The following PHACTR3 variants were observed in gnomAD, a reference collection of about 807,000 sequenced individuals.
The protein encoded by PHACTR3 is phosphatase and actin regulator 3.
Under a neutral mutation model 66.8 loss-of-function variants are expected in PHACTR3, and 16 were observed. The observed-to-expected ratio is 0.24, with a 90% CI of 0.16 to 0.36. The LOEUF is 0.36. PHACTR3 is among the 10% of genes least tolerant of loss of function. The pLI is 1.00. For missense variants in PHACTR3, 647 were observed against 719.9 expected, an observed-to-expected ratio of 0.90 and a Z score of 1.16; for synonymous variants, 323 against 292.1, an observed-to-expected ratio of 1.11 and a Z score of -1.08.
chr20:59,611,934 C>T (rs1358013711), intron 1 of PHACTR3, among the ~76,000 whole-genome samples: 1 of 152,120 alleles, frequency 6.6e-6, no homozygotes, highest in African/African-American at 2.4e-5. Flanking sequence ...AGTATATCTT[C>T]AGGGAAGGTG....
At chr20:59,702,629 GACC>G (rs1232606844) in intron 1 of PHACTR3, among the ~76,000 whole-genome samples, 1 of 152,206 alleles carries the variant, frequency 6.6e-6, no homozygotes, top group Non-Finnish European at 1.5e-5. Flanking sequence ...CAGAGGGAGG[GACC>G]ACATCTGGCT....
intron 1 of PHACTR3, among the ~76,000 whole-genome samples, chr20:59,686,063 C>A (rs1009667492): frequency 6.6e-6 from 1 of 152,212 alleles, no homozygotes; most frequent in African/African-American, 2.4e-5. Context: ...CCCCCCCATA[C>A]CTAACTTTTC....
intron 1 of PHACTR3, among the ~76,000 whole-genome samples, chr20:59,665,346 T>C (rs562666856): frequency 1.3e-5 from 2 of 152,254 alleles, no homozygotes; most frequent in African/African-American, 4.8e-5. Context: ...TTTGGAAGGG[T>C]CGTGCTGACT....
intron 1 of PHACTR3, among the ~76,000 whole-genome samples, chr20:59,666,887 A>G (rs551269925): frequency 6.6e-6 from 1 of 152,230 alleles, no homozygotes; most frequent in African/African-American, 2.4e-5. Flanking sequence ...TGGTCCTTAC[A>G]CGGTGTAATC....
intron 1 of PHACTR3, among the ~76,000 whole-genome samples, chr20:59,623,350 C>A (rs78605140): frequency 0.022 from 3,309 of 152,162 alleles, 48 homozygotes; most frequent in Non-Finnish European, 0.034. Context: ...TAGTATTGTA[C>A]GCACCATGCA....
In PHACTR3 at chr20:59,625,826, G is replaced by T. The variant is rs146290208; in HGVS notation, c.118+20694G>T. Among the ~76,000 whole-genome samples, 8 of 152,238 alleles carry T rather than the reference G, an allele frequency of 5.3e-5. No individual in the cohort carries two copies. In the East Asian group the frequency reaches 1.5e-3, roughly 29 times the overall value. ...TCTTGGCTGAGAGCTCCTGGGCAGGGGCTGACTTTGAGATGAGGCTTCTCT... is the reference window on the plus strand; with the variant it reads ...TCTTGGCTGAGAGCTCCTGGGCAGGTGCTGACTTTGAGATGAGGCTTCTCT... On this transcript the variant is annotated intron_variant, in intron 1 of 12. Coordinates refer to ENST00000371015, the MANE Select transcript of PHACTR3 (RefSeq NM_080672.5).
At chr20:59,614,495 C>T (rs1026080706) in intron 1 of PHACTR3, among the ~76,000 whole-genome samples, 7 of 152,144 alleles carry the variant, frequency 4.6e-5, no homozygotes, top group Admixed American at 2.0e-4. Context: ...TGGCAACGCA[C>T]CTTATCTAAT....
intron 8 of PHACTR3, among the ~76,000 whole-genome samples, chr20:59,815,520 G>A (rs1370494532): frequency 6.6e-6 from 1 of 151,088 alleles, no homozygotes; most frequent in South Asian, 2.1e-4. Flanking sequence ...TGCCTTCTGG[G>A]TTCAAGCGAT....
At chr20:59,792,274 C>A (rs919623936) in intron 7 of PHACTR3, among the ~76,000 whole-genome samples, 1 of 152,224 alleles carries the variant, frequency 6.6e-6, no homozygotes, top group African/African-American at 2.4e-5. Context: ...CTGTGATCAG[C>A]ATTTGTGTAC....
At chr20:59,645,209 A>G (rs1054187891) in intron 1 of PHACTR3, among the ~76,000 whole-genome samples, 9 of 130,776 alleles carry the variant, frequency 6.9e-5, no homozygotes, top group Non-Finnish European at 1.1e-4. Flanking sequence ...GTTCTTTTTT[A>G]TGTTAGCAGA....
intron 1 of PHACTR3, among the ~76,000 whole-genome samples, chr20:59,742,296 TC>T (rs11476759): frequency 0.1 from 15,696 of 152,216 alleles, 1,497 homozygotes; most frequent in African/African-American, 0.25. Flanking sequence ...ACTTACCCAG[TC>T]CCCCTGTGGA....
At chr20:59,655,852 C>T (rs1001299895) in intron 1 of PHACTR3, among the ~76,000 whole-genome samples, 1 of 151,780 alleles carries the variant, frequency 6.6e-6, no homozygotes, top group East Asian at 1.9e-4. Flanking sequence ...TCTTCATTTT[C>T]ATTCATCTCA....
intron 1 of PHACTR3, among the ~76,000 whole-genome samples, chr20:59,678,134 C>T (rs1213309698): frequency 6.6e-6 from 1 of 152,172 alleles, no homozygotes; most frequent in African/African-American, 2.4e-5. Context: ...TCTCTGTCTA[C>T]ACGGAATAGA....
chr20:59,709,274 A>G (rs1173652844), intron 1 of PHACTR3, among the ~76,000 whole-genome samples: 1 of 152,150 alleles, frequency 6.6e-6, no homozygotes, highest in African/African-American at 2.4e-5. Flanking sequence ...TAGATCTAAG[A>G]CCCTGATCTT....
chr20:59,710,359 A>G (rs944179644), intron 1 of PHACTR3, among the ~76,000 whole-genome samples: 3 of 152,136 alleles, frequency 2.0e-5, no homozygotes, highest in African/African-American at 4.8e-5. Flanking sequence ...GTGAGATGTT[A>G]GTGGTCCTCA....
intron 1 of PHACTR3, among the ~76,000 whole-genome samples, chr20:59,622,240 G>A (rs1291413016): frequency 6.6e-6 from 1 of 151,916 alleles, no homozygotes; most frequent in Non-Finnish European, 1.5e-5. Context: ...CCTGCAGGGA[G>A]CTGGAGCTGG....
At chr20:59,720,279 C>T (rs1027625719) in intron 1 of PHACTR3, among the ~76,000 whole-genome samples, 9 of 152,146 alleles carry the variant, frequency 5.9e-5, no homozygotes, top group African/African-American at 1.4e-4. Flanking sequence ...TCTGCAGGCC[C>T]GTGTTGTGTC....
intron 1 of PHACTR3, among the ~76,000 whole-genome samples, chr20:59,730,029 C>T (rs6070932): frequency 0.27 from 41,025 of 152,012 alleles, 7,184 homozygotes; most frequent in African/African-American, 0.49. Flanking sequence ...CACAGATGGA[C>T]CTTCAGCCCA....
chr20:59,818,425 T>A (rs1430418532), intron 8 of PHACTR3, among the ~76,000 whole-genome samples: 1 of 152,156 alleles, frequency 6.6e-6, no homozygotes, highest in Non-Finnish European at 1.5e-5. Flanking sequence ...ATTTGTCTCT[T>A]TCAGTTTTAA....
Sources: allele counts gnomAD v4.1 joint callset (sites outside exome capture counted in the v4.1 genomes callset), GRCh38; gene constraint gnomAD v4.1.1; transcripts MANE v1.5; gene names NCBI Gene and HGNC (gene_info 2026-07-23, HGNC 2026-07-21).